Variants in LRTM1 observed in about 807,000 individuals in gnomAD.
LRTM1 encodes leucine-rich repeat and transmembrane domain-containing protein 1.
Under a neutral mutation model 32.4 loss-of-function variants are expected in LRTM1, and 38 were observed. The observed-to-expected ratio is 1.17, with a 90% CI of 0.91 to 1.54. The LOEUF (loss-of-function observed/expected upper bound fraction) is 1.54, where lower values mean the gene tolerates loss of function less well. LRTM1 is among the 40% of genes most tolerant of loss of function. The pLI, the probability that LRTM1 is intolerant of heterozygous loss-of-function variation, is 0.00. For synonymous variants in LRTM1, 186 were observed against 169.9 expected (o/e 1.09, Z -0.74); for missense variants, 466 against 415.4 (o/e 1.12, Z -1.06).
chr3:54,921,645 C>T (rs1700854000), intron 2 of LRTM1, among the ~76,000 whole-genome samples: 1 of 152,078 alleles, frequency 6.6e-6, no homozygotes. Flanking sequence ...ACCTCCAGGC[C>T]ATAAAGCCCC....
At chr3:54,933,219 T>A (rs534556945) in intron 1 of LRTM1, among the ~76,000 whole-genome samples, 2 of 152,204 alleles carry the variant, frequency 1.3e-5, no homozygotes, top group Non-Finnish European at 2.9e-5. Context: ...CCATTAATCA[T>A]GTATTTAATG....
chr3:54,931,123 C>G (rs1201629494), upstream of LRTM1, among the ~76,000 whole-genome samples: 1 of 152,138 alleles, frequency 6.6e-6, no homozygotes, highest in South Asian at 2.1e-4. Context: ...AAAGTGGCAT[C>G]TCTTACTAGC....
In LRTM1 at chr3:54,918,818, C is replaced by A. The variant is rs1559628939; in HGVS notation, c.679G>T (p.Glu227Ter). Residue 227 changes from glutamate (E) to a stop codon, truncating the protein, a stop_gained, in exon 3 of 3, where the codon GAG becomes TAG. Coordinates refer to ENST00000273286, the MANE Select transcript of LRTM1 (RefSeq NM_020678.4). LOFTEE classifies it high-confidence loss of function. ...KGKDLLRIPH[E>*]LYQPCPLPAP... ...GGAAGAGGGCAGGGCTGGTACAGCT[C>A]ATGAGGGATCCTAAGGAGGTCCTTT... 3.7e-6 allele frequency: 6 copies of A among 1,610,796 alleles called. No homozygotes were observed. Among genetic ancestry groups the A allele is most frequent in the Non-Finnish European group, 5.1e-6 (6 of 1,177,940 alleles).
chr3:54,946,577 G>C (rs1288289622), intron 1 of LRTM1, among the ~76,000 whole-genome samples: 2 of 152,164 alleles, frequency 1.3e-5, no homozygotes, highest in South Asian at 4.1e-4. Context: ...TAACGAAGAA[G>C]AGCAGGTTAC....
upstream of LRTM1, among the ~76,000 whole-genome samples, chr3:54,931,230 G>T (rs1226313568): frequency 6.6e-6 from 1 of 152,174 alleles, no homozygotes; most frequent in Non-Finnish European, 1.5e-5. Context: ...GAGCTAATGG[G>T]TTCCTGGCAA....
In LRTM1 at chr3:54,918,614, C is replaced by G; in HGVS notation, c.883G>C (p.Val295Leu). Residue 295 changes from valine (V) to leucine (L), a missense_variant, in exon 3 of 3, where the codon GTG becomes CTG. Val to Leu is a conservative substitution (Grantham distance 32). Coordinates refer to ENST00000273286, the MANE Select transcript of LRTM1 (RefSeq NM_020678.4). ...AIATVIITGV[V>L]CGIVCLMMLA... ...ATCATGAGACACACAATCCCACACA[C>G]AACGCCAGTGATGATGACAGTGGCA... is the stretch of plus-strand genomic sequence containing the variant. The G allele has an allele frequency of 1.2e-6, 2 of 1,614,164 alleles. No individual in the cohort carries two copies. The highest frequency in any genetic ancestry group is 1.7e-6 in the Non-Finnish European group (2 of 1,180,022).
Position 54,918,348 on chromosome 3 carries a change from TTTTTTTTG to T in LRTM1, c.*103_*110del. The T allele has an allele frequency of 2.2e-5, 9 of 402,858 alleles. No homozygotes were observed. The highest frequency in any genetic ancestry group is 8.1e-5 in the Admixed American group (2 of 24,810). 25.0% of individuals were successfully genotyped at this position (402,858 alleles called of 1,614,324 possible). On this transcript the variant is annotated 3_prime_UTR_variant, in exon 3 of 3. Transcript: ENST00000273286. ...TTTTTTTTTCTTTTTTTTTTTTTTT[TTTTTTTTG>T]TCTTTTGGCAAAAGCAAAATCAGAC...
rs2106948142 is a variant in LRTM1 at position 54,927,836 on chromosome 3, A to G, written c.7+69T>C. On this transcript the variant is annotated intron_variant, in intron 1 of 2. Coordinates refer to ENST00000273286, the MANE Select transcript of LRTM1 (RefSeq NM_020678.4). ...ACTTGAAAATAGATTTCCCGCAGAT[A>G]CCTTTGTGAGGGGATACCATCTTTC... 3.9e-6 allele frequency: 6 copies of G among 1,523,852 alleles called. No homozygotes were observed. The South Asian group carries it at 6.7e-5, about 17-fold the overall frequency. The allele number at this position is 1,523,852 out of a possible 1,614,324, so 94.4% of individuals were successfully genotyped here. A position where few individuals can be genotyped will look rare whatever the true frequency, so the allele number is the denominator to read the frequency against.
intron 1 of LRTM1, among the ~76,000 whole-genome samples, chr3:54,962,014 C>G (rs541057160): frequency 6.6e-6 from 1 of 152,150 alleles, no homozygotes; most frequent in South Asian, 2.1e-4. Flanking sequence ...GTCTCTCTCC[C>G]TCTTCCTGTA....
chr3:54,966,762 T>A (rs1249777075), intron 1 of LRTM1, among the ~76,000 whole-genome samples: 3 of 152,136 alleles, frequency 2.0e-5, no homozygotes, highest in African/African-American at 7.2e-5. Context: ...GAGGTTGCAG[T>A]GAGCTGAGAT....
chr3:54,932,741 C>T (rs576078234), upstream of LRTM1, among the ~76,000 whole-genome samples: 1 of 152,312 alleles, frequency 6.6e-6, no homozygotes, highest in East Asian at 1.9e-4. Context: ...TTGGTAAAGT[C>T]ATGGCCAAGT....
intron 2 of LRTM1, among the ~76,000 whole-genome samples, 183 bp from the exon 3 acceptor site, chr3:54,919,075 C>T (rs894155032): frequency 1.3e-5 from 2 of 151,774 alleles, no homozygotes; most frequent in Non-Finnish European, 2.9e-5. Flanking sequence ...TGGCTAAATA[C>T]TAAAAATGCC....
chr3:54,960,891 G>A (rs554528233), intron 1 of LRTM1, among the ~76,000 whole-genome samples: 1 of 152,190 alleles, frequency 6.6e-6, no homozygotes, highest in African/African-American at 2.4e-5. Flanking sequence ...CATTTATCTT[G>A]GACACCAACA....
At chr3:54,941,976 T>G (rs1701478950) in intron 1 of LRTM1, among the ~76,000 whole-genome samples, 1 of 152,236 alleles carries the variant, frequency 6.6e-6, no homozygotes, top group Admixed American at 6.5e-5. Context: ...CCTACTTGAT[T>G]TATTTGAAAA....
chr3:54,918,332 C>CTTTTTTTTTT lies in LRTM1; in HGVS notation c.*117_*126dup, dbSNP rs533596688. The stretch of plus-strand genomic sequence containing the variant: ...TTTTACAGACACATCTTTTTTTTTT[C>CTTTTTTTTTT]TTTTTTTTTTTTTTTTTTTTTTTGT... On this transcript the variant is annotated 3_prime_UTR_variant, in exon 3 of 3. Coordinates refer to ENST00000273286, the MANE Select transcript of LRTM1 (RefSeq NM_020678.4). The CTTTTTTTTTT allele has an allele frequency of 4.0e-3, 910 of 227,998 alleles. 215 individuals are homozygous for CTTTTTTTTTT. Among genetic ancestry groups the CTTTTTTTTTT allele is most frequent in the South Asian group, 6.6e-3 (115 of 17,326 alleles). The allele number at this position is 227,998 out of a possible 1,614,324, so 14.1% of individuals were successfully genotyped here.
rs555523909 is a variant in LRTM1, at chr3:54,942,381, A to G, written c.-221-17166T>C. On this transcript the variant is annotated intron_variant, in intron 1 of 2. Coordinates refer to the LRTM1 transcript ENST00000493075. ...CCCTCCCACAGTGGCAGCAGCCTCC[A>G]CGAGAGCATGCACACCTTCTGATTT... 5.3e-5 allele frequency among the ~76,000 whole-genome samples: 8 copies of G among 152,298 alleles called. No homozygotes were observed. In the East Asian group the frequency reaches 1.5e-3, roughly 29 times the overall value.
chr3:54,950,845 C>T (rs2107014770), intron 1 of LRTM1, among the ~76,000 whole-genome samples: 1 of 152,226 alleles, frequency 6.6e-6, no homozygotes, highest in Admixed American at 6.5e-5. Context: ...TTGCCTGAGC[C>T]AAGTCTGTGC....
intron 1 of LRTM1, among the ~76,000 whole-genome samples, chr3:54,955,967 TC>T (rs1176310455): frequency 6.6e-6 from 1 of 152,164 alleles, no homozygotes; most frequent in African/African-American, 2.4e-5. Flanking sequence ...CAGGGCTGAC[TC>T]CCACATATTC....
intron 1 of LRTM1, among the ~76,000 whole-genome samples, chr3:54,961,455 A>G (rs1383687163): frequency 1.3e-5 from 2 of 152,232 alleles, no homozygotes; most frequent in African/African-American, 4.8e-5. Flanking sequence ...TATTCCCTCT[A>G]ATAAAACTAC....
Sources: allele counts gnomAD v4.1 joint callset (sites outside exome capture counted in the v4.1 genomes callset), GRCh38; gene constraint gnomAD v4.1.1; transcripts MANE v1.5; gene names NCBI Gene and HGNC (gene_info 2026-07-23, HGNC 2026-07-21).